Variants in PTPRG observed in about 807,000 individuals in gnomAD.
PTPRG encodes the protein receptor-type tyrosine-protein phosphatase gamma.
In PTPRG, 102 loss-of-function variants were observed where a neutral mutation model predicts 165.3. That is an observed-to-expected ratio of 0.62 (90% confidence interval 0.53 to 0.73). The LOEUF (loss-of-function observed/expected upper bound fraction) is 0.73. Ranked by LOEUF, PTPRG falls within the 30% of genes least tolerant of loss-of-function variation. The probability of loss-of-function intolerance (pLI) is 0.00; values close to 1 mark genes in which losing one functional copy is unlikely to be tolerated. For synonymous variants in PTPRG, 675 were observed against 669.5 expected, an observed-to-expected ratio of 1.01 and a Z score of -0.13; for missense variants, 1,866 against 1,861.4, an observed-to-expected ratio of 1.00 and a Z score of -0.05.
intron 1 of PTPRG, among the ~76,000 whole-genome samples, chr3:61,568,232 G>A (rs1176440419): frequency 6.6e-6 from 1 of 152,140 alleles, no homozygotes; most frequent in African/African-American, 2.4e-5. Flanking sequence ...CCTACAATTT[G>A]CCTGTTGCAA....
chr3:62,260,535 T>C (rs1701664153), intron 16 of PTPRG, among the ~76,000 whole-genome samples: 1 of 152,220 alleles, frequency 6.6e-6, no homozygotes, highest in South Asian at 2.1e-4. Flanking sequence ...CCTATGCTTA[T>C]GTGCCTGTTA....
intron 1 of PTPRG, among the ~76,000 whole-genome samples, chr3:61,590,197 T>C (rs1218981035): frequency 1.4e-5 from 2 of 147,196 alleles, no homozygotes; most frequent in Non-Finnish European, 3.0e-5. Flanking sequence ...GTAGGCATTG[T>C]TGGCATTTAT....
intron 1 of PTPRG, among the ~76,000 whole-genome samples, chr3:61,574,800 G>C (rs1700138873): frequency 6.6e-6 from 1 of 152,180 alleles, no homozygotes; most frequent in East Asian, 1.9e-4. Flanking sequence ...GGTGGAGAAG[G>C]TGGAAGGGGA....
At position 61,708,131 on chromosome 3, in the gene PTPRG, CTG is replaced by C. The variant is rs539026141; in HGVS notation, c.86-40743_86-40742del. Among the ~76,000 whole-genome samples the C allele has an allele frequency of 9.4e-3, 1,424 of 152,104 alleles. 18 individuals are homozygous for C. The highest frequency in any genetic ancestry group is 0.044 in the Middle Eastern group (13 of 294). On this transcript the variant is annotated intron_variant, in intron 1 of 29. Transcript: ENST00000474889. Reference sequence around the variant, plus strand: ...TAGGGATATTTGCCTCCCCGGAACGCTGTGTCACTTTGTGCTGCTCCTACTAA... The same window carrying C: ...TAGGGATATTTGCCTCCCCGGAACGCTGTCACTTTGTGCTGCTCCTACTAA...
intron 2 of PTPRG, among the ~76,000 whole-genome samples, chr3:61,894,985 A>G (rs1392432415): frequency 6.6e-6 from 1 of 152,084 alleles, no homozygotes; most frequent in African/African-American, 2.4e-5. Flanking sequence ...TACATTGTGG[A>G]ATGGTTAGCA....
At chr3:61,721,238 C>G in intron 1 of PTPRG, among the ~76,000 whole-genome samples, 1 of 152,178 alleles carries the variant, frequency 6.6e-6, no homozygotes, top group East Asian at 1.9e-4. Context: ...ATTAGAATTG[C>G]AACCTGAACT....
chr3:61,691,822 G>C (rs568650046), intron 1 of PTPRG, among the ~76,000 whole-genome samples: 1 of 152,164 alleles, frequency 6.6e-6, no homozygotes, highest in Non-Finnish European at 1.5e-5. Flanking sequence ...AAAGCATATG[G>C]GGCTTTCCTA....
chr3:61,866,449 C>T (rs1212578743), intron 2 of PTPRG, among the ~76,000 whole-genome samples: 1 of 151,936 alleles, frequency 6.6e-6, no homozygotes, highest in African/African-American at 2.4e-5. Context: ...TGGCTGAGAA[C>T]CAGAAGGAGA....
intron 15 of PTPRG, among the ~76,000 whole-genome samples, chr3:62,247,117 A>G (rs1701304090): frequency 6.6e-6 from 1 of 152,164 alleles, no homozygotes; most frequent in African/African-American, 2.4e-5. Context: ...CTTTACCAAC[A>G]AAGTATGTTT....
intron 5 of PTPRG, among the ~76,000 whole-genome samples, chr3:62,118,069 G>A (rs965929316): frequency 6.6e-6 from 1 of 152,180 alleles, no homozygotes; most frequent in Non-Finnish European, 1.5e-5. Flanking sequence ...GGAAAGTACA[G>A]CCCTAAGAGG....
intron 2 of PTPRG, among the ~76,000 whole-genome samples, chr3:61,809,207 C>A (rs1458817062): frequency 1.3e-5 from 2 of 151,288 alleles, no homozygotes; most frequent in African/African-American, 4.9e-5. Context: ...GAATAAGCAG[C>A]AGACTTTGCC....
chr3:61,919,864 A>T (rs1028494577), intron 2 of PTPRG, among the ~76,000 whole-genome samples: 9 of 152,230 alleles, frequency 5.9e-5, no homozygotes, highest in African/African-American at 2.2e-4. Context: ...CTGTCCTTAC[A>T]AAAGGCGAAC....
chr3:61,920,029 A>G (rs1346615184), intron 2 of PTPRG, among the ~76,000 whole-genome samples: 1 of 152,210 alleles, frequency 6.6e-6, no homozygotes. Context: ...TCTTACCCAT[A>G]ACCAGCTACA....
chr3:61,906,272 A>C (rs556559168), intron 2 of PTPRG, among the ~76,000 whole-genome samples: 1 of 151,488 alleles, frequency 6.6e-6, no homozygotes, highest in East Asian at 2.0e-4. Context: ...GGCCAACATA[A>C]TGAAACCCTG....
Position 62,228,488 on chromosome 3 carries a change from TG to T in PTPRG, c.2289-2734del, listed in dbSNP as rs1421826534. Among the ~76,000 whole-genome samples, 1 of 147,346 alleles carries T rather than the reference TG, an allele frequency of 6.8e-6. No individual in the cohort carries two copies. Among genetic ancestry groups the T allele is most frequent in the Non-Finnish European group, 1.5e-5 (1 of 67,390 alleles). ...GAGATCACGCCATTGCACTCCAGCC[TG>T]GGCAACAGAGCAAAACTCCATCTCA... On this transcript the variant is annotated intron_variant, in intron 13 of 29. Transcript: ENST00000474889. The surrounding 1 kb of genome is among the most constrained non-coding windows in gnomAD (Gnocchi z 4.1).
chr3:62,027,103 T>G lies in PTPRG; in HGVS notation c.519+23606T>G, dbSNP rs567237592. ...AATTCTCTCCCCGTGCCCTGTTTTCTTTTTTTTAAGCATAGATCCCCCTTC... is the reference window on the plus strand; with the variant it reads ...AATTCTCTCCCCGTGCCCTGTTTTCGTTTTTTTAAGCATAGATCCCCCTTC... On this transcript the variant is annotated intron_variant, in intron 4 of 29. Transcript: ENST00000474889. Among the ~76,000 whole-genome samples the G allele has an allele frequency of 9.2e-5, 14 of 152,018 alleles. No individual in the cohort carries two copies. In the South Asian group the frequency reaches 2.9e-3, roughly 32 times the overall value.
chr3:61,589,170 C>CTTGAAATACCCATGCCCATATTTTA (rs1700506600), intron 1 of PTPRG, among the ~76,000 whole-genome samples: 1 of 152,130 alleles, frequency 6.6e-6, no homozygotes, highest in Admixed American at 6.6e-5. Context: ...GTAAAGTTTT[C>CTTGAAATACCCATGCCCATATTTTA]TTGAAATACC....
In PTPRG at chr3:61,956,666, A is replaced by G. The variant is rs189094687; in HGVS notation, c.191-32959A>G. On this transcript the variant is annotated intron_variant, in intron 2 of 29. Transcript: ENST00000474889. ...AAAATGAAGCAGGGCAAATGGGACT[A>G]TTACTGATATATTAAAATGAAAGAC... is the stretch of plus-strand genomic sequence containing the variant. Among the ~76,000 whole-genome samples the G allele has an allele frequency of 5.9e-5, 9 of 152,326 alleles. 1 individual carries two copies. Among genetic ancestry groups the G allele is most frequent in the Middle Eastern group, 3.4e-3 (1 of 294 alleles).
intron 1 of PTPRG, among the ~76,000 whole-genome samples, chr3:61,658,648 T>G (rs1702576941): frequency 6.6e-6 from 1 of 152,206 alleles, no homozygotes; most frequent in Non-Finnish European, 1.5e-5. Flanking sequence ...TGTTGTTTAT[T>G]TTCCCAGCTA....
Sources: allele counts gnomAD v4.1 joint callset (sites outside exome capture counted in the v4.1 genomes callset), GRCh38; gene constraint gnomAD v4.1.1; non-coding constraint Gnocchi (gnomAD v3.1); transcripts MANE v1.5; gene names NCBI Gene and HGNC (gene_info 2026-07-23, HGNC 2026-07-21).